The following ARHGAP25 variants were observed in gnomAD, a reference collection of about 807,000 sequenced individuals.
The protein encoded by ARHGAP25 is rho GTPase-activating protein 25.
In ARHGAP25, 34 loss-of-function variants were observed where a neutral mutation model predicts 71.0. That is an observed-to-expected ratio of 0.48 (90% CI 0.36 to 0.64). ARHGAP25 has a LOEUF of 0.64. Ranked by LOEUF, ARHGAP25 falls within the 30% of genes least tolerant of loss-of-function variation. The probability of loss-of-function intolerance (pLI) is 0.00; values close to 1 mark genes in which losing one functional copy is unlikely to be tolerated. For synonymous variants in ARHGAP25, 282 were observed against 296.5 expected (o/e 0.95, Z 0.50); for missense variants, 706 against 805.1 (o/e 0.88, Z 1.49).
intron 3 of ARHGAP25, 68 bp downstream of exon 3, chr2:68,782,388 A>G (rs1678406719): frequency 2.8e-6 from 4 of 1,422,382 alleles, no homozygotes; most frequent in Non-Finnish European, 4.0e-6. Context: ...TCTGGACCCT[A>G]GAAGTCAAAG....
rs769540969 is a variant in ARHGAP25 at position 68,735,151 on chromosome 2, T to A, written c.-49T>A. On this transcript the variant is annotated 5_prime_UTR_variant, in exon 1 of 11. Transcript: ENST00000409202. ...GTGAAAAGACAAGAAGGGCGCAAAC[T>A]GTGACAGACTCACCGCTTCACTAAC... The A allele has an allele frequency of 1.3e-6, 2 of 1,496,238 alleles. No individual in the cohort carries two copies. The highest frequency in any genetic ancestry group is 1.1e-5 in the South Asian group (1 of 88,692). The allele number at this position is 1,496,238 out of a possible 1,614,324, so 92.7% of individuals were successfully genotyped here.
chr2:68,817,766 C>A, intron 7 of ARHGAP25, 107 bp from the exon 8 acceptor site: 1 of 1,383,908 alleles, frequency 7.2e-7, no homozygotes, highest in African/African-American at 1.4e-5. Context: ...ATTCCTGAGT[C>A]TGGGAGGAAA....
chr2:68,721,958 G>A (rs1291959167), intron 2 of ARHGAP25, among the ~76,000 whole-genome samples: 2 of 152,122 alleles, frequency 1.3e-5, no homozygotes, highest in African/African-American at 2.4e-5. Context: ...GTCATTGTTC[G>A]CACACTTGCT....
At chr2:68,775,035 G>A in intron 1 of ARHGAP25, 186 bp from the exon 2 acceptor site, 1 of 1,508,696 alleles carries the variant, frequency 6.6e-7, no homozygotes, top group East Asian at 2.3e-5. Context: ...ACCGGGAGCT[G>A]GCCCCTCGGC....
At chr2:68,766,714 T>TCTCTCTC (rs1677142384) in intron 1 of ARHGAP25, among the ~76,000 whole-genome samples, 1 of 148,344 alleles carries the variant, frequency 6.7e-6, no homozygotes, top group African/African-American at 2.5e-5. Flanking sequence ...CTCTCTCCCC[T>TCTCTCTC]TCTCTCTCTC....
chr2:68,718,907 C>A (rs778710438), intron 2 of ARHGAP25, among the ~76,000 whole-genome samples: 7 of 152,112 alleles, frequency 4.6e-5, no homozygotes, highest in Non-Finnish European at 7.4e-5. Context: ...AATTCCCAAC[C>A]TTCATTCTCT....
At position 68,735,024 on chromosome 2, in the gene ARHGAP25, G is replaced by C; in HGVS notation, c.-176G>C. 3 of 644,438 alleles carry C rather than the reference G, an allele frequency of 4.7e-6. No homozygotes were observed. The South Asian group carries it at 5.5e-5, about 12-fold the overall frequency. 39.9% of individuals were successfully genotyped at this position (644,438 alleles called of 1,614,324 possible). Reference sequence around the variant, plus strand: ...ACAGATGGATGGACCTTTCATCTAAGAGAAAGGAGGAGACACGTTGGCAAA... The same window carrying C: ...ACAGATGGATGGACCTTTCATCTAACAGAAAGGAGGAGACACGTTGGCAAA... On this transcript the variant is annotated 5_prime_UTR_variant, in exon 1 of 11. Transcript: ENST00000409202.
chr2:68,728,512 TA>T (rs35870470), intron 2 of ARHGAP25, among the ~76,000 whole-genome samples: 9,303 of 148,740 alleles, frequency 0.063, 456 homozygotes, highest in African/African-American at 0.13. Flanking sequence ...GATTTTTTAA[TA>T]AAAAAAAAAC....
chr2:68,810,722 T>C (rs1420523699), intron 5 of ARHGAP25, among the ~76,000 whole-genome samples: 2 of 80,860 alleles, frequency 2.5e-5, no homozygotes, highest in Non-Finnish European at 4.4e-5. Context: ...ATTTCTTTTC[T>C]TTTCTTCTCT....
chr2:68,756,005 T>C (rs370402652), intron 1 of ARHGAP25, among the ~76,000 whole-genome samples: 14 of 152,238 alleles, frequency 9.2e-5, no homozygotes, highest in African/African-American at 3.4e-4. Context: ...GGATTATGTG[T>C]ACATGGCAGA....
intron 3 of ARHGAP25, among the ~76,000 whole-genome samples, chr2:68,783,924 C>T (rs1399403670): frequency 6.6e-6 from 1 of 152,184 alleles, no homozygotes; most frequent in Admixed American, 6.5e-5. Context: ...ATTCATGGGA[C>T]ACAACCATCC....
At chr2:68,790,469 G>A (rs933637457) in intron 4 of ARHGAP25, among the ~76,000 whole-genome samples, 1 of 152,218 alleles carries the variant, frequency 6.6e-6, no homozygotes, top group Non-Finnish European at 1.5e-5. Context: ...GAGGTGAGGG[G>A]CAGGGCCAGG....
At chr2:68,756,963 A>T (rs1676516316) in intron 1 of ARHGAP25, among the ~76,000 whole-genome samples, 1 of 152,146 alleles carries the variant, frequency 6.6e-6, no homozygotes, top group Admixed American at 6.5e-5. Flanking sequence ...CAAAAAAGAG[A>T]TAGAAAACAT....
chr2:68,746,877 G>A (rs903466640), intron 1 of ARHGAP25, among the ~76,000 whole-genome samples: 9 of 151,790 alleles, frequency 5.9e-5, no homozygotes, highest in African/African-American at 2.2e-4. Flanking sequence ...GTGTAGTGAC[G>A]CACGCCTGTA....
At chr2:68,777,223 C>T (rs77816251) in intron 2 of ARHGAP25, among the ~76,000 whole-genome samples, 3,014 of 152,220 alleles carry the variant, frequency 0.02, 43 homozygotes, top group Middle Eastern at 0.068. Flanking sequence ...GCTTTGGCCA[C>T]CCCAGATCAA....
In ARHGAP25 at chr2:68,818,010, T is replaced by C. The variant is rs1336059391; in HGVS notation, c.1003+16T>C. 3 of 1,613,586 alleles carry C rather than the reference T, an allele frequency of 1.9e-6. No homozygotes were observed. The Admixed American group carries it at 5.0e-5, about 27-fold the overall frequency. On this transcript the variant is annotated intron_variant, in intron 8 of 10. Transcript: ENST00000409202. ...ATCATGAGAGGTATGGCTGGTCCCG[T>C]AGTGAAAGCAGGTACCCAGGAAATA...
intron 4 of ARHGAP25, among the ~76,000 whole-genome samples, chr2:68,805,204 G>C (rs905356527): frequency 6.6e-6 from 1 of 152,138 alleles, no homozygotes; most frequent in Non-Finnish European, 1.5e-5. Context: ...AGAGCATTAC[G>C]TTTTGGAAAC....
At chr2:68,736,853 C>G (rs1028723664) in intron 1 of ARHGAP25, among the ~76,000 whole-genome samples, 13 of 152,110 alleles carry the variant, frequency 8.5e-5, no homozygotes, top group African/African-American at 2.2e-4. Context: ...AAGCACCCCC[C>G]ACTTTCATCC....
At chr2:68,819,647 A>ATTCAAC in intron 9 of ARHGAP25, 1 of 558,510 alleles carries the variant, frequency 1.8e-6, no homozygotes, top group South Asian at 2.5e-5. Context: ...ACAACATTGT[A>ATTCAAC]AATGTTTTGG....
Sources: gnomAD v4.1 joint callset for allele counts (sites outside exome capture counted in the v4.1 genomes callset) on GRCh38, gnomAD v4.1.1 for gene constraint, MANE v1.5 for transcripts, NCBI Gene and HGNC (gene_info 2026-07-23, HGNC 2026-07-21) for gene names.